Variants in TTC3 observed in about 807,000 individuals in gnomAD.
TTC3 encodes the protein E3 ubiquitin-protein ligase TTC3.
TTC3 carries 180 observed loss-of-function variants against 249.6 expected under a neutral mutation model. The observed-to-expected ratio is 0.72, with a 90% confidence interval of 0.64 to 0.82. TTC3 has a LOEUF of 0.82. Among genes scored for constraint, TTC3 ranks in the 40% least tolerant of loss-of-function variants. TTC3 has a pLI of 0.00. For synonymous variants in TTC3, 717 were observed against 805.0 expected, an observed-to-expected ratio of 0.89 and a Z score of 1.85; for missense variants, 2,061 against 2,398.4, an observed-to-expected ratio of 0.86 and a Z score of 2.94.
At chr21:37,202,301 T>A (rs1422659143) in exon 46 of TTC3, 1 of 152,236 alleles carries the variant, frequency 6.6e-6, no homozygotes, top group Admixed American at 6.5e-5. Flanking sequence ...TAAGACTTTT[T>A]CCCCCTGGAA....
At chr21:37,197,443 TC>T (rs1250390547) in intron 42 of TTC3, 126 bp from the exon 43 acceptor site, 34 of 1,168,300 alleles carry the variant, frequency 2.9e-5, no homozygotes, top group Middle Eastern at 2.9e-4. Context: ...TCAGTGGTCT[TC>T]AGATTAATTT....
chr21:37,125,820 A>G (rs1415724029), intron 14 of TTC3, among the ~76,000 whole-genome samples: 1 of 152,144 alleles, frequency 6.6e-6, no homozygotes, highest in Non-Finnish European at 1.5e-5. Context: ...ATTATTGAAC[A>G]ATTGTCATGT....
At chr21:37,197,098 A>G (rs2084995361) in intron 42 of TTC3, among the ~76,000 whole-genome samples, 3 of 152,206 alleles carry the variant, frequency 2.0e-5, no homozygotes, top group Admixed American at 6.5e-5. Flanking sequence ...CATGTGCCCT[A>G]TTATTTCAGT....
intron 10 of TTC3, chr21:37,099,074 G>A (rs2074225903): frequency 6.6e-6 from 1 of 151,902 alleles, no homozygotes; most frequent in African/African-American, 2.4e-5. Context: ...AACAGAAATG[G>A]GACAATTTAA....
intron 11 of TTC3, among the ~76,000 whole-genome samples, chr21:37,118,000 T>C (rs2076296295): frequency 6.6e-6 from 1 of 152,060 alleles, no homozygotes; most frequent in African/African-American, 2.4e-5. Flanking sequence ...GGGGATACTC[T>C]CTTTTGTTGC....
chr21:37,161,673 A>G (rs1164540216), intron 30 of TTC3, among the ~76,000 whole-genome samples: 1 of 152,230 alleles, frequency 6.6e-6, no homozygotes. Context: ...GGATGAGAAC[A>G]GTTAAGGAGT....
chr21:37,199,125 A>C (rs1023890430), intron 44 of TTC3, among the ~76,000 whole-genome samples: 1 of 152,088 alleles, frequency 6.6e-6, no homozygotes, highest in Non-Finnish European at 1.5e-5. Context: ...GGGCCGAGTC[A>C]TGCCTTGGGA....
At chr21:37,191,361 G>A in exon 40 of TTC3, 1 of 1,588,976 alleles carries the variant, frequency 6.3e-7, no homozygotes, top group Non-Finnish European at 8.5e-7. Flanking sequence ...CTGACATGGA[G>A]TCTGATATAC....
chr21:37,172,499 A>T, intron 34 of TTC3, 96 bp from the exon 35 acceptor site: 7 of 1,345,260 alleles, frequency 5.2e-6, no homozygotes, highest in Non-Finnish European at 6.9e-6. Flanking sequence ...TCTGCTTTTT[A>T]CTCTCCTTTG....
At chr21:37,075,565 A>G (rs1463902257) in intron 1 of TTC3, among the ~76,000 whole-genome samples, 1 of 152,160 alleles carries the variant, frequency 6.6e-6, no homozygotes, top group African/African-American at 2.4e-5. Context: ...CCCTGCTAAC[A>G]CTTTATGTTA....
At chr21:37,089,479 T>A (rs1420719148) in intron 5 of TTC3, among the ~76,000 whole-genome samples, 1 of 152,112 alleles carries the variant, frequency 6.6e-6, no homozygotes, top group Non-Finnish European at 1.5e-5. Context: ...CAAACCAGTG[T>A]ACCTTTATAA....
chr21:37,189,277 G>A (rs1044671412), intron 39 of TTC3, among the ~76,000 whole-genome samples: 17 of 151,892 alleles, frequency 1.1e-4, no homozygotes, highest in African/African-American at 3.4e-4. Flanking sequence ...ACAGAGTCTC[G>A]CTCTGCCACC....
chr21:37,157,127 A>AT (rs1726967662), intron 28 of TTC3: 1 of 1,427,476 alleles, frequency 7.0e-7, no homozygotes, highest in African/African-American at 1.4e-5. Flanking sequence ...TAGGTATGTT[A>AT]TGCTAACAAT....
In TTC3 at chr21:37,195,673, A is replaced by T; in HGVS notation, c.5218-2A>T. The stretch of plus-strand genomic sequence containing the variant: ...ATCCATGGTGTGGTGTGTTCCTCAC[A>T]GGTTCATCCCGAGTTACTCCCTGAG... On this transcript the variant is annotated splice_acceptor_variant, in intron 41 of 45. Transcript: ENST00000355666. LOFTEE classifies it high-confidence loss of function. 6.3e-7 allele frequency: 1 copy of T among 1,599,720 alleles called. No homozygotes were observed. The highest frequency in any genetic ancestry group is 8.5e-7 in the Non-Finnish European group (1 of 1,172,298).
chr21:37,115,870 A>G (rs1346004839), intron 11 of TTC3, among the ~76,000 whole-genome samples: 1 of 152,208 alleles, frequency 6.6e-6, no homozygotes, highest in East Asian at 1.9e-4. Flanking sequence ...TTTTCAGTCG[A>G]TATTGAAAGG....
intron 31 of TTC3, among the ~76,000 whole-genome samples, chr21:37,163,238 G>T (rs1399027244): frequency 6.6e-6 from 1 of 152,196 alleles, no homozygotes; most frequent in African/African-American, 2.4e-5. Flanking sequence ...AGAGCGACTT[G>T]CCCAAGAACA....
At position 37,089,052 on chromosome 21, in the gene TTC3, A is replaced by G. The variant is rs779471334; in HGVS notation, c.426+166A>G. Among the ~76,000 whole-genome samples, 14 of 152,210 alleles carry G rather than the reference A, an allele frequency of 9.2e-5. 1 individual carries two copies. Among genetic ancestry groups the G allele is most frequent in the Admixed American group, 2.0e-4 (3 of 15,274 alleles). On this transcript the variant is annotated intron_variant, in intron 5 of 45. Transcript: ENST00000355666. Reference sequence around the variant, plus strand: ...TCCATCAGTGCGTGCTCAGTATTTGAGAGATCAGGGAGATGGCTGATGTCA... The same window carrying G: ...TCCATCAGTGCGTGCTCAGTATTTGGGAGATCAGGGAGATGGCTGATGTCA...
chr21:37,079,427 A>G (rs1455284504), intron 1 of TTC3, among the ~76,000 whole-genome samples: 5 of 151,338 alleles, frequency 3.3e-5, no homozygotes, highest in African/African-American at 1.2e-4. Context: ...TTAGCAGTTG[A>G]ACAGTCATAG....
chr21:37,088,877 G>T (rs150410283), exon 5 of TTC3: 2 of 1,613,478 alleles, frequency 1.2e-6, no homozygotes, highest in Non-Finnish European at 1.7e-6. Context: ...ATTTGGCAAA[G>T]AAAGTTGCTG....
Sources: allele counts gnomAD v4.1 joint callset (sites outside exome capture counted in the v4.1 genomes callset), GRCh38; gene constraint gnomAD v4.1.1; transcripts MANE v1.5; gene names NCBI Gene and HGNC (gene_info 2026-07-23, HGNC 2026-07-21).